RAI14: variants seen among roughly 807,000 people sequenced by gnomAD.
The protein encoded by RAI14 is ankycorbin.
RAI14 carries 45 observed loss-of-function variants against 115.4 expected under a neutral mutation model. The observed-to-expected ratio is 0.39, with a 90% CI of 0.31 to 0.50. RAI14 has a LOEUF of 0.50. RAI14 is among the 20% of genes least tolerant of loss of function. The probability of loss-of-function intolerance (pLI) is 0.85; values close to 1 mark genes in which losing one functional copy is unlikely to be tolerated. For missense variants in RAI14, 939 were observed against 1,131.2 expected, an observed-to-expected ratio of 0.83 and a Z score of 2.44; for synonymous variants, 371 against 415.4, an observed-to-expected ratio of 0.89 and a Z score of 1.30.
intron 2 of RAI14, among the ~76,000 whole-genome samples, chr5:34,701,344 AAAG>A (rs570772872): frequency 1.3e-5 from 2 of 152,180 alleles, no homozygotes; most frequent in South Asian, 4.1e-4. Context: ...GTGCATCTGT[AAAG>A]AATCTCTGTT....
intron 4 of RAI14, among the ~76,000 whole-genome samples, chr5:34,800,457 C>T (rs1483806487): frequency 6.6e-6 from 1 of 152,168 alleles, no homozygotes; most frequent in Admixed American, 6.5e-5. Context: ...GTCAGAGATG[C>T]ATTGTCTCAT....
In RAI14 at chr5:34,811,005, C is replaced by G; in HGVS notation, c.451-7C>G. 1.2e-6 allele frequency: 2 copies of G among 1,612,414 alleles called. No homozygotes were observed. The highest frequency in any genetic ancestry group is 8.5e-7 in the Non-Finnish European group (1 of 1,179,408). ...AGGTAAAATCTAAATCTGAATTTGT[C>G]TCCTAGGATGGGAATATACCGCTGC... On this transcript the variant is annotated splice_region_variant and splice_polypyrimidine_tract_variant and intron_variant, in intron 7 of 17. Transcript: ENST00000265109.
chr5:34,723,958 CTTAAGTA>C (rs1241899004), intron 2 of RAI14, among the ~76,000 whole-genome samples: 1 of 152,032 alleles, frequency 6.6e-6, no homozygotes, highest in Admixed American at 6.6e-5. Context: ...GACTTTTTGC[CTTAAGTA>C]TTATTATTAT....
At chr5:34,743,019 A>G (rs1011421688) in intron 2 of RAI14, among the ~76,000 whole-genome samples, 2 of 152,188 alleles carry the variant, frequency 1.3e-5, no homozygotes, top group Admixed American at 1.3e-4. Flanking sequence ...CAAACAGGAA[A>G]CAAATCAACG....
chr5:34,756,038 G>A (rs1194983182), intron 2 of RAI14, among the ~76,000 whole-genome samples: 2 of 152,164 alleles, frequency 1.3e-5, no homozygotes, highest in South Asian at 2.1e-4. Flanking sequence ...CAGTGTTGGT[G>A]GGGGAGGACA....
intron 1 of RAI14, chr5:34,684,577 G>A (rs1488181996): frequency 6.6e-6 from 1 of 152,160 alleles, no homozygotes; most frequent in Non-Finnish European, 1.5e-5. Flanking sequence ...TCACAATGAG[G>A]CCTCCAGATT....
intron 1 of RAI14, among the ~76,000 whole-genome samples, chr5:34,682,696 A>C (rs541031013): frequency 6.6e-6 from 1 of 152,350 alleles, no homozygotes; most frequent in East Asian, 1.9e-4. Flanking sequence ...TAAATGGGTA[A>C]TAAACTGACT....
At chr5:34,689,080 G>C (rs1738235180) in intron 2 of RAI14, among the ~76,000 whole-genome samples, 1 of 152,154 alleles carries the variant, frequency 6.6e-6, no homozygotes, top group Non-Finnish European at 1.5e-5. Context: ...TCCTGAAAGA[G>C]GAATTTTGGG....
At chr5:34,752,749 G>GTA (rs71600954) in intron 2 of RAI14, among the ~76,000 whole-genome samples, 6,122 of 106,786 alleles carry the variant, frequency 0.057, 426 homozygotes, top group Non-Finnish European at 0.081. Flanking sequence ...GTGTGTGTGT[G>GTA]TATATATATA....
chr5:34,682,882 C>T lies in RAI14; in HGVS notation c.-48-3990C>T, dbSNP rs928794264. 4.6e-5 allele frequency among the ~76,000 whole-genome samples: 7 copies of T among 152,340 alleles called. No individual in the cohort carries two copies. The South Asian group carries it at 8.3e-4, about 18-fold the overall frequency. On this transcript the variant is annotated intron_variant, in intron 1 of 17. Transcript: ENST00000265109. ...TGAAGTAAGCATCCTGATTTAATGG[C>T]TTTTCCAAGGACTGCCTTTAGTGTG...
At chr5:34,806,083 A>G (rs1754856188) in intron 5 of RAI14, among the ~76,000 whole-genome samples, 1 of 152,218 alleles carries the variant, frequency 6.6e-6, no homozygotes, top group Admixed American at 6.5e-5. Context: ...GAGGAATCAG[A>G]GGTGGAGGTT....
At chr5:34,716,040 T>C (rs894323645) in intron 2 of RAI14, 4 of 448,096 alleles carry the variant, frequency 8.9e-6, no homozygotes, top group African/African-American at 6.1e-5. Flanking sequence ...AACAACCATA[T>C]TTCCTGTCCT....
intron 2 of RAI14, among the ~76,000 whole-genome samples, chr5:34,745,378 C>T (rs1329098079): frequency 2.6e-5 from 4 of 152,122 alleles, no homozygotes; most frequent in Non-Finnish European, 5.9e-5. Flanking sequence ...TGCTTTTCAC[C>T]ATATTTTGGG....
At chr5:34,710,850 A>AAGAG (rs1322738714) in intron 2 of RAI14, among the ~76,000 whole-genome samples, 1 of 152,236 alleles carries the variant, frequency 6.6e-6, no homozygotes, top group East Asian at 1.9e-4. Flanking sequence ...CTTCCAGCAG[A>AAGAG]AGAGATTTCT....
chr5:34,683,830 C>G (rs975234261), intron 1 of RAI14, among the ~76,000 whole-genome samples: 18 of 152,060 alleles, frequency 1.2e-4, no homozygotes, highest in Non-Finnish European at 2.4e-4. Context: ...CGGGTTCACG[C>G]CATTCTCCTG....
At chr5:34,717,930 C>G (rs1310274110) in intron 2 of RAI14, among the ~76,000 whole-genome samples, 2 of 151,122 alleles carry the variant, frequency 1.3e-5, no homozygotes, top group Non-Finnish European at 2.9e-5. Flanking sequence ...ATCCTTCCAA[C>G]CCTGCTCTTA....
At chr5:34,681,186 T>G (rs867612236) in intron 1 of RAI14, among the ~76,000 whole-genome samples, 1 of 152,228 alleles carries the variant, frequency 6.6e-6, no homozygotes, top group African/African-American at 2.4e-5. Flanking sequence ...TGTATTTGTT[T>G]TGCTGGATTG....
rs1200998859 is a variant in RAI14, at chr5:34,811,074, C to G, written c.513C>G (p.Leu171=). The G allele has an allele frequency of 3.7e-6, 6 of 1,614,112 alleles. No homozygotes were observed. Among genetic ancestry groups the G allele is most frequent in the Non-Finnish European group, 5.1e-6 (6 of 1,180,012 alleles). ...GTCACAGTGAGATCTGTCACTTTCTCCTGGATCATGGAGCAGATGTCAATT... is the reference window on the plus strand; with the variant it reads ...GTCACAGTGAGATCTGTCACTTTCTGCTGGATCATGGAGCAGATGTCAATT... The part of the protein sequence containing the change: ...QNGHSEICHF[L]LDHGADVNSR... The change falls in exon 8 of 18, where the codon CTC becomes CTG. Residue 171 remains leucine, a synonymous_variant. Coordinates refer to ENST00000265109, the MANE Select transcript of RAI14 (RefSeq NM_015577.3).
chr5:34,802,046 GAAAA>G (rs936012776), intron 4 of RAI14, among the ~76,000 whole-genome samples: 2 of 147,994 alleles, frequency 1.4e-5, no homozygotes, highest in Non-Finnish European at 3.0e-5. Flanking sequence ...CCTGGGCTCA[GAAAA>G]AAAAAAGAAA....
Sources: gnomAD v4.1 joint callset for allele counts (sites outside exome capture counted in the v4.1 genomes callset) on GRCh38, gnomAD v4.1.1 for gene constraint, MANE v1.5 for transcripts, NCBI Gene and HGNC (gene_info 2026-07-23, HGNC 2026-07-21) for gene names.